The following TRPM1 variants were observed in gnomAD, a reference collection of about 807,000 sequenced individuals.
TRPM1 encodes the protein transient receptor potential cation channel subfamily M member 1.
In TRPM1, 113 loss-of-function variants were observed where a neutral mutation model predicts 149.4. The ratio of observed to expected loss-of-function variants is 0.76; its 90% CI spans 0.65 to 0.88. The LOEUF (loss-of-function observed/expected upper bound fraction) is 0.88, where lower values mean the gene tolerates loss of function less well. Ranked by LOEUF, TRPM1 falls within the 40% of genes least tolerant of loss-of-function variation. The pLI, the probability that TRPM1 is intolerant of heterozygous loss-of-function variation, is 0.00. For synonymous variants in TRPM1, 741 were observed against 759.5 expected, an observed-to-expected ratio of 0.98 and a Z score of 0.40; for missense variants, 1,976 against 2,038.7, an observed-to-expected ratio of 0.97 and a Z score of 0.59.
In TRPM1 at chr15:31,088,801, C is replaced by T. The variant is rs907641314; in HGVS notation, c.-83-7363G>A. 2.2e-4 allele frequency among the ~76,000 whole-genome samples: 31 copies of T among 140,582 alleles called. 1 individual carries two copies. Among genetic ancestry groups the T allele is most frequent in the Admixed American group, 5.4e-4 (8 of 14,802 alleles). 92.2% of individuals were successfully genotyped at this position (140,582 alleles called of 152,430 possible). On this transcript the variant is annotated intron_variant, in intron 1 of 27. Transcript: ENST00000256552. ...ATCAAACACCTGAACGTTCTTTCTG[C>T]TGGGGGGATGCGTCAGAGGAGGCCT...
chr15:31,151,026 G>A (rs541125292), intron 1 of TRPM1, among the ~76,000 whole-genome samples: 5 of 152,284 alleles, frequency 3.3e-5, no homozygotes, highest in Admixed American at 1.3e-4. Context: ...TTGGTTTCTT[G>A]TAAAAGCGTT....
rs375783888 is a variant in TRPM1, at chr15:31,002,897, C to T, written c.3803G>A (p.Arg1268Gln). The change falls in exon 28 of 28, where the codon CGG becomes CAG. Residue 1268 changes from arginine to glutamine, a missense_variant. Arg to Gln is a conservative substitution (Grantham distance 43). Coordinates refer to ENST00000256552, the MANE Select transcript of TRPM1 (RefSeq NM_001252024.2). ...GIDRSDLIQA[R>Q]SRASSECEAT... ...CTCACATTCAGAAGAAGCCCGGGAC[C>T]GTGCCTGGATCAGGTCAGACCTGTC... 47 of 1,613,826 alleles carry T rather than the reference C, an allele frequency of 2.9e-5. No individual in the cohort carries two copies. Among genetic ancestry groups the T allele is most frequent in the African/African-American group, 1.5e-4 (11 of 75,028 alleles).
chr15:31,141,053 A>G (rs1168886291), intron 1 of TRPM1, among the ~76,000 whole-genome samples: 2 of 150,646 alleles, frequency 1.3e-5, no homozygotes, highest in East Asian at 3.9e-4. Flanking sequence ...GCTAGCCTGG[A>G]ACTCCTAGCC....
At position 31,002,930 on chromosome 15, in the gene TRPM1, G is replaced by T. The variant is rs757962189; in HGVS notation, c.3770C>A (p.Ala1257Glu). The change falls in exon 28 of 28, where the codon GCG (alanine) becomes GAG (glutamate). Residue 1257 changes from alanine to glutamate, a missense_variant. This residue lies in a region of TRPM1 where 572 missense variants were observed against 578.9 expected (regional missense o/e 0.99). Coordinates refer to ENST00000256552, the MANE Select transcript of TRPM1 (RefSeq NM_001252024.2). ...NRMVNALENL[A>E]GIDRSDLIQA... ...GATCAGGTCAGACCTGTCGATTCCC[G>T]CAAGATTTTCAAGAGCATTCACCAT... The T allele has an allele frequency of 6.2e-7, 1 of 1,602,544 alleles. No homozygotes were observed. The highest frequency in any genetic ancestry group is 8.5e-7 in the Non-Finnish European group (1 of 1,172,912).
At chr15:31,085,541 G>A (rs1436912354) in intron 1 of TRPM1, among the ~76,000 whole-genome samples, 2 of 152,196 alleles carry the variant, frequency 1.3e-5, no homozygotes, top group African/African-American at 2.4e-5. Context: ...TTTTAGAGTT[G>A]TCATTGCAGT....
intron 1 of TRPM1, among the ~76,000 whole-genome samples, chr15:31,137,940 A>G (rs974415380): frequency 3.9e-5 from 6 of 152,192 alleles, no homozygotes; most frequent in African/African-American, 1.2e-4. Context: ...TGGGATCTCA[A>G]CTAGAACTTG....
Position 31,032,763 on chromosome 15 carries a change from A to C in TRPM1, c.2878T>G (p.Trp960Gly). The C allele has an allele frequency of 1.9e-6, 3 of 1,614,218 alleles. No individual in the cohort carries two copies. Among genetic ancestry groups the C allele is most frequent in the Non-Finnish European group, 2.5e-6 (3 of 1,180,040 alleles). Residue 960 changes from tryptophan to glycine, a missense_variant, in exon 22 of 28, where the codon TGG (tryptophan) becomes GGG (glycine). Trp to Gly is a radical substitution (Grantham distance 184). This residue lies in a region of TRPM1 where 1,332 missense variants were observed against 1,347.1 expected (regional missense o/e 0.99). Coordinates refer to ENST00000256552, the MANE Select transcript of TRPM1 (RefSeq NM_001252024.2). ...AAGATGTCCAGGACACGGATGTACCAGAAGATGATATCCACACAGTAGATC... is the reference window on the plus strand; with the variant it reads ...AAGATGTCCAGGACACGGATGTACCCGAAGATGATATCCACACAGTAGATC... ...RVIYCVDIIF[W>G]YIRVLDIFGV... is the part of the protein sequence containing the mutation.
Position 31,066,169 on chromosome 15 carries a change from G to T in TRPM1, c.697C>A (p.Leu233Met). The T allele has an allele frequency of 6.2e-7, 1 of 1,614,208 alleles. No individual in the cohort carries two copies. Among genetic ancestry groups the T allele is most frequent in the Non-Finnish European group, 8.5e-7 (1 of 1,180,034 alleles). ...VLNNSHTHFI[L>M]ADNGTLGKYG... The stretch of plus-strand genomic sequence containing the variant: ...TTGCCCAGGGTGCCATTGTCAGCCA[G>T]GATGAAGTGGGTGTGGGAGTTGTTG... Residue 233 changes from leucine (L) to methionine (M), a missense_variant, in exon 7 of 28, where the codon CTG becomes ATG. Around this residue, in one of 3 missense-constraint regions of TRPM1, gnomAD observed 1,332 missense variants for 1,347.1 expected, o/e 0.99. Transcript: ENST00000256552.
At chr15:31,138,641 T>C (rs565796035) in intron 1 of TRPM1, among the ~76,000 whole-genome samples, 2 of 152,110 alleles carry the variant, frequency 1.3e-5, no homozygotes, top group Non-Finnish European at 2.9e-5. Context: ...GAGGATCACT[T>C]GAGCCCAGAA....
intron 21 of TRPM1, among the ~76,000 whole-genome samples, chr15:31,033,749 T>C (rs1302251840): frequency 6.6e-6 from 1 of 152,074 alleles, no homozygotes; most frequent in Admixed American, 6.5e-5. Flanking sequence ...GGGGGCAGGT[T>C]TCTGGAATAA....
chr15:31,116,733 A>G (rs2141029931), intron 1 of TRPM1, among the ~76,000 whole-genome samples: 1 of 152,302 alleles, frequency 6.6e-6, no homozygotes, highest in South Asian at 2.1e-4. Flanking sequence ...TAGACTATTT[A>G]AGAATTTCCT....
upstream of TRPM1, among the ~76,000 whole-genome samples, chr15:31,102,367 C>A (rs1161151680): frequency 2.6e-5 from 4 of 152,204 alleles, no homozygotes; most frequent in African/African-American, 4.8e-5. Flanking sequence ...GCTTTCTCAG[C>A]CCAGGAGGAA....
intron 7 of TRPM1, among the ~76,000 whole-genome samples, chr15:31,064,280 A>G (rs2140958417): frequency 6.6e-6 from 1 of 152,206 alleles, no homozygotes; most frequent in Middle Eastern, 3.4e-3. Context: ...CAGATCTTGG[A>G]CGCAGCCACT....
At chr15:31,114,868 A>C (rs2035775601) in intron 1 of TRPM1, among the ~76,000 whole-genome samples, 1 of 152,268 alleles carries the variant, frequency 6.6e-6, no homozygotes, top group African/African-American at 2.4e-5. Flanking sequence ...AGCACAAAAA[A>C]GAGTAAAGAA....
chr15:31,048,034 A>G lies in TRPM1; in HGVS notation c.1573-95T>C. 5.8e-6 allele frequency: 6 copies of G among 1,027,528 alleles called. No individual in the cohort carries two copies. The South Asian group carries it at 6.3e-5, about 11-fold the overall frequency. 63.7% of individuals were successfully genotyped at this position (1,027,528 alleles called of 1,614,324 possible). ...TCCCAGCACTTTGGGAGGCCAAGGC[A>G]GGCAGATCACTTGAGGTCAGTAGTT... On this transcript the variant is annotated intron_variant, in intron 13 of 27. Coordinates refer to ENST00000256552, the MANE Select transcript of TRPM1 (RefSeq NM_001252024.2).
chr15:31,035,477 C>T, intron 21 of TRPM1, 69 bp downstream of exon 21: 1 of 1,609,292 alleles, frequency 6.2e-7, no homozygotes, highest in South Asian at 1.1e-5. Context: ...AACGTTTTTT[C>T]AGTAAGGAGC....
intron 1 of TRPM1, among the ~76,000 whole-genome samples, chr15:31,143,385 AGTTTTGTTTTGTTGT>A (rs1252949454): frequency 3.3e-5 from 5 of 152,088 alleles, no homozygotes; most frequent in Admixed American, 3.3e-4. Flanking sequence ...TTTGTTTTCC[AGTTTTGTTTTGTTGT>A]GTTTTGTTTT....
At chr15:31,130,791 C>T (rs1290650159) in intron 1 of TRPM1, among the ~76,000 whole-genome samples, 1 of 152,174 alleles carries the variant, frequency 6.6e-6, no homozygotes, top group Non-Finnish European at 1.5e-5. Context: ...CAATGCTCCG[C>T]ACTCCCGGGC....
At chr15:31,014,678 C>G (rs1042283380) in intron 27 of TRPM1, among the ~76,000 whole-genome samples, 1 of 152,152 alleles carries the variant, frequency 6.6e-6, no homozygotes, top group Non-Finnish European at 1.5e-5. Context: ...GTTCCTTACT[C>G]TACCTGCTTT....
Sources: allele counts gnomAD v4.1 joint callset (sites outside exome capture counted in the v4.1 genomes callset), GRCh38; gene constraint gnomAD v4.1.1; regional missense constraint gnomAD v4.1.1; transcripts MANE v1.5; gene names NCBI Gene and HGNC (gene_info 2026-07-23, HGNC 2026-07-21).